The following ERBB4 variants were observed in gnomAD, a reference collection of about 807,000 sequenced individuals.
The protein encoded by ERBB4 is erb-b2 receptor tyrosine kinase 4, also known as receptor tyrosine-protein kinase erbB-4.
Under a neutral mutation model 158.0 loss-of-function variants are expected in ERBB4, and 42 were observed. The ratio of observed to expected loss-of-function variants is 0.27; its 90% CI spans 0.21 to 0.34. ERBB4 has a LOEUF of 0.34. ERBB4 is among the 10% of genes least tolerant of loss of function. The pLI is 1.00. For synonymous variants in ERBB4, 583 were observed against 558.7 expected (o/e 1.04, Z -0.61); for missense variants, 1,333 against 1,624.1 (o/e 0.82, Z 3.08).
At chr2:211,890,487 C>T (rs1039248771) in intron 3 of ERBB4, among the ~76,000 whole-genome samples, 13 of 151,908 alleles carry the variant, frequency 8.6e-5, no homozygotes, top group African/African-American at 4.8e-5. Flanking sequence ...CTAGGAAGAA[C>T]CTGCATCAAC....
At chr2:212,440,791 T>C (rs1035771001) in intron 1 of ERBB4, among the ~76,000 whole-genome samples, 2 of 152,212 alleles carry the variant, frequency 1.3e-5, no homozygotes, top group East Asian at 3.9e-4. Flanking sequence ...GTTTAGTGAC[T>C]CTATACATAC....
At chr2:212,300,163 G>A (rs1339204364) in intron 1 of ERBB4, among the ~76,000 whole-genome samples, 1 of 151,478 alleles carries the variant, frequency 6.6e-6, no homozygotes, top group East Asian at 2.0e-4. Flanking sequence ...TTACTTTTGT[G>A]GTGTTTGCTG....
Position 211,508,079 on chromosome 2 carries a change from G to T in ERBB4, c.2487+53824C>A, listed in dbSNP as rs192135512. On this transcript the variant is annotated intron_variant, in intron 20 of 27. Coordinates refer to ENST00000342788, the MANE Select transcript of ERBB4 (RefSeq NM_005235.3). ...CATTCAGGACATAGGCATGGGCAAA[G>T]ACTTCATGACTAAAACACAAAAAGC... Among the ~76,000 whole-genome samples the T allele has an allele frequency of 2.6e-3, 400 of 152,208 alleles. 2 individuals carry two copies. The highest frequency in any genetic ancestry group is 9.3e-3 in the African/African-American group (388 of 41,554).
intron 16 of ERBB4, chr2:211,657,477 C>G (rs553289535): frequency 2.3e-5 from 9 of 394,764 alleles, no homozygotes; most frequent in South Asian, 1.9e-4. Context: ...CCATTGCACT[C>G]CAGCCTGGGC....
intron 1 of ERBB4, among the ~76,000 whole-genome samples, chr2:212,188,592 C>T (rs954902751): frequency 6.6e-6 from 1 of 151,922 alleles, no homozygotes; most frequent in Non-Finnish European, 1.5e-5. Context: ...ACAATTTTGT[C>T]TCTGCATATC....
At chr2:212,414,498 T>C (rs1238904148) in intron 1 of ERBB4, among the ~76,000 whole-genome samples, 1 of 152,222 alleles carries the variant, frequency 6.6e-6, no homozygotes, top group East Asian at 1.9e-4. Context: ...TATATGGCTC[T>C]GAACTGTTTC....
intron 2 of ERBB4, among the ~76,000 whole-genome samples, chr2:212,008,254 T>C (rs769073217): frequency 8.6e-5 from 13 of 151,932 alleles, no homozygotes; most frequent in Non-Finnish European, 1.3e-4. Flanking sequence ...ACATCTCGAG[T>C]TTAAGAGAAT....
chr2:211,938,652 GAGA>G (rs1559141523), intron 3 of ERBB4, among the ~76,000 whole-genome samples: 1 of 152,074 alleles, frequency 6.6e-6, no homozygotes, highest in Non-Finnish European at 1.5e-5. Context: ...TGCAGCTTTT[GAGA>G]AGAATAGACA....
chr2:211,883,953 G>C (rs570388608), intron 3 of ERBB4, among the ~76,000 whole-genome samples: 94 of 152,120 alleles, frequency 6.2e-4, no homozygotes, highest in African/African-American at 2.3e-3. Flanking sequence ...TCCCCGGTGA[G>C]GCCACTAATT....
intron 1 of ERBB4, among the ~76,000 whole-genome samples, chr2:212,240,413 G>T (rs767106266): frequency 1.3e-5 from 2 of 151,850 alleles, no homozygotes; most frequent in African/African-American, 4.8e-5. Context: ...TTGGGAAGCC[G>T]AGATGGGCGT....
At chr2:211,996,361 T>C (rs1156544542) in intron 2 of ERBB4, among the ~76,000 whole-genome samples, 4 of 152,052 alleles carry the variant, frequency 2.6e-5, no homozygotes, top group African/African-American at 7.2e-5. Context: ...TACTAGAACA[T>C]GTTTCTGTGT....
intron 20 of ERBB4, among the ~76,000 whole-genome samples, chr2:211,473,443 C>A (rs1247811114): frequency 4.6e-5 from 7 of 152,066 alleles, no homozygotes; most frequent in Non-Finnish European, 8.8e-5. Flanking sequence ...ACAGCAGCCA[C>A]AGAAAATTAG....
intron 20 of ERBB4, among the ~76,000 whole-genome samples, chr2:211,521,439 T>C (rs1251800526): frequency 1.3e-5 from 2 of 152,134 alleles, no homozygotes; most frequent in African/African-American, 4.8e-5. Context: ...AGTTGGAAGC[T>C]AGCAGAGGTT....
chr2:211,924,453 A>T (rs144025553), intron 3 of ERBB4, among the ~76,000 whole-genome samples: 12 of 152,264 alleles, frequency 7.9e-5, no homozygotes, highest in African/African-American at 2.6e-4. Context: ...CTGTACTCAT[A>T]CCCTATACAT....
chr2:212,398,547 T>C (rs1301941487), intron 1 of ERBB4, among the ~76,000 whole-genome samples: 1 of 152,194 alleles, frequency 6.6e-6, no homozygotes, highest in Non-Finnish European at 1.5e-5. Context: ...AAGTTAAGAA[T>C]GGCAAGACTG....
At chr2:211,718,830 A>C (rs2074005996) in intron 7 of ERBB4, among the ~76,000 whole-genome samples, 1 of 152,208 alleles carries the variant, frequency 6.6e-6, no homozygotes, top group African/African-American at 2.4e-5. Flanking sequence ...ATCAGCTGTG[A>C]AACAACAACA....
At chr2:211,649,767 GT>G (rs1407628136) in intron 16 of ERBB4, among the ~76,000 whole-genome samples, 1 of 151,886 alleles carries the variant, frequency 6.6e-6, no homozygotes, top group Non-Finnish European at 1.5e-5. Context: ...AGCATTCAGA[GT>G]TTATTAGAGG....
At chr2:211,547,182 G>T (rs901417110) in intron 20 of ERBB4, among the ~76,000 whole-genome samples, 4 of 151,884 alleles carry the variant, frequency 2.6e-5, no homozygotes, top group African/African-American at 9.7e-5. Flanking sequence ...AATGGATGAA[G>T]GACAAATGAA....
chr2:211,714,895 G>A (rs1188242122), intron 7 of ERBB4, among the ~76,000 whole-genome samples: 3 of 152,176 alleles, frequency 2.0e-5, no homozygotes, highest in African/African-American at 7.2e-5. Context: ...ATCCACCACT[G>A]GGCTGGCCCC....
Sources: allele counts gnomAD v4.1 joint callset (sites outside exome capture counted in the v4.1 genomes callset), GRCh38; gene constraint gnomAD v4.1.1; transcripts MANE v1.5; gene names NCBI Gene and HGNC (gene_info 2026-07-23, HGNC 2026-07-21).